NRK: variants seen among roughly 807,000 people sequenced by gnomAD.
NRK encodes nik-related protein kinase.
A neutral mutation model predicts 125.2 loss-of-function variants in NRK; 67 were observed. That is an observed-to-expected ratio of 0.54 (90% CI 0.44 to 0.66). The LOEUF (loss-of-function observed/expected upper bound fraction) is 0.66. NRK is among the 30% of genes least tolerant of loss of function. NRK has a pLI of 0.00. For synonymous variants in NRK, 458 were observed against 429.0 expected (o/e 1.07, Z -0.84); for missense variants, 1,224 against 1,192.9 (o/e 1.03, Z -0.38).
At chrX:105,898,220 C>A (rs1253242025) in intron 7 of NRK, among the ~76,000 whole-genome samples, 2 of 111,958 alleles carry the variant, frequency 1.8e-5, no homozygotes, top group Non-Finnish European at 3.8e-5. Context: ...TTTTAGATTT[C>A]TTTGTTCTTG....
intron 17 of NRK, among the ~76,000 whole-genome samples, chrX:105,922,606 C>G (rs1243938815): frequency 2.7e-5 from 3 of 111,558 alleles, no homozygotes. Context: ...ACATCCCTTC[C>G]AGATTGCCCA....
At chrX:105,847,228 C>A (rs2039415178) in intron 2 of NRK, among the ~76,000 whole-genome samples, 1 of 112,083 alleles carries the variant, frequency 8.9e-6, no homozygotes, top group Admixed American at 9.5e-5. Context: ...TACAACTCTC[C>A]CAGTTCCAGT....
At chrX:105,923,510 T>G (rs1404430054) in intron 18 of NRK, 28 bp downstream of exon 18, 1 of 1,046,922 alleles carries the variant, frequency 9.6e-7, no homozygotes, top group Non-Finnish European at 1.3e-6. Flanking sequence ...ACTTATACTC[T>G]CCATGTTTTA....
At position 105,957,731 on chromosome X, in the gene NRK, C is replaced by T. The variant is rs1328604346; in HGVS notation, c.*2131C>T. Reference sequence around the variant, plus strand: ...GTTAATAAAGAAAGGAAGCTGGGCACATGTCAAAAAGGGAGATCGAAATGT... The same window carrying T: ...GTTAATAAAGAAAGGAAGCTGGGCATATGTCAAAAAGGGAGATCGAAATGT... On this transcript the variant is annotated 3_prime_UTR_variant, in exon 29 of 29. Coordinates refer to ENST00000243300, the MANE Select transcript of NRK (RefSeq NM_198465.4). 9.0e-6 allele frequency: 1 copy of T among 111,669 alleles called. No homozygotes were observed. The highest frequency in any genetic ancestry group is 1.9e-5 in the Non-Finnish European group (1 of 53,143). 9.2% of individuals were successfully genotyped at this position (111,669 alleles called of 1,213,427 possible).
At chrX:105,858,435 T>C (rs1233878555) in intron 2 of NRK, among the ~76,000 whole-genome samples, 2 of 108,202 alleles carry the variant, frequency 1.8e-5, no homozygotes, top group Non-Finnish European at 3.8e-5. Flanking sequence ...TTGAAAGATA[T>C]GTGGATGGAT....
At position 105,908,243 on chromosome X, in the gene NRK, T is replaced by C. The variant is rs1299996405; in HGVS notation, c.1025T>C (p.Ile342Thr). The C allele has an allele frequency of 1.8e-6, 2 of 1,085,720 alleles. No individual in the cohort carries two copies. The highest frequency in any genetic ancestry group is 5.6e-5 in the Admixed American group (2 of 35,928). 89.5% of individuals were successfully genotyped at this position (1,085,720 alleles called of 1,213,427 possible). ...TTTTTCTCTTTTGTAAAAAAAGGAATACCTTTGATCTTTGAAAGAGAAGAA... is the reference window on the plus strand; with the variant it reads ...TTTTTCTCTTTTGTAAAAAAAGGAACACCTTTGATCTTTGAAAGAGAAGAA... Reference protein sequence around the residue: ...GIIKKRQKKGIPLIFEREEAI... With the variant: ...GIIKKRQKKGTPLIFEREEAI... The change falls in exon 12 of 29, where the codon ATA becomes ACA. Residue 342 changes from isoleucine to threonine, a missense_variant. By Grantham distance (89) the Ile-to-Thr change is moderately conservative. Coordinates refer to ENST00000243300, the MANE Select transcript of NRK (RefSeq NM_198465.4).
chrX:105,872,619 C>T (rs973917938), intron 2 of NRK, among the ~76,000 whole-genome samples: 2 of 111,391 alleles, frequency 1.8e-5, no homozygotes, highest in Non-Finnish European at 3.8e-5. Flanking sequence ...CCTGAATGTT[C>T]TGATCCCATC....
intron 16 of NRK, among the ~76,000 whole-genome samples, chrX:105,918,468 G>A (rs1272907837): frequency 9.0e-6 from 1 of 111,275 alleles, no homozygotes; most frequent in Non-Finnish European, 1.9e-5. Flanking sequence ...TTTTTGAAAA[G>A]TGAATATTTG....
chrX:105,841,390 A>G (rs2147653171), intron 2 of NRK, among the ~76,000 whole-genome samples: 1 of 111,788 alleles, frequency 8.9e-6, no homozygotes, highest in Non-Finnish European at 1.9e-5. Flanking sequence ...TTCCTCCTCT[A>G]CCAGAGCATA....
intron 2 of NRK, among the ~76,000 whole-genome samples, chrX:105,857,901 C>T (rs1020786963): frequency 9.0e-6 from 1 of 110,701 alleles, no homozygotes. Context: ...TATGTGTCTT[C>T]TTTCTCTCTC....
rs751420130 is a variant in NRK at position 105,891,702 on chromosome X, T to C, written c.379-2130T>C. On this transcript the variant is annotated intron_variant, in intron 5 of 28. Transcript: ENST00000243300. ...GATTCAGTAGATTTGGGGGTGTGGG[T>C]CCAAAAAATTATCCTTCCTAATAAG... Among the ~76,000 whole-genome samples, 3 of 111,160 alleles carry C rather than the reference T, an allele frequency of 2.7e-5. No individual in the cohort carries two copies. In the East Asian group the frequency reaches 8.5e-4, roughly 32 times the overall value.
chrX:105,826,395 A>AT (rs1423698183), intron 1 of NRK, among the ~76,000 whole-genome samples: 14 of 64,397 alleles, frequency 2.2e-4, no homozygotes, highest in African/African-American at 1.2e-3. Context: ...TATATAATAT[A>AT]TATATAATAT....
intron 1 of NRK, among the ~76,000 whole-genome samples, chrX:105,828,428 G>C (rs762766709): frequency 3.5e-4 from 39 of 110,943 alleles, no homozygotes; most frequent in African/African-American, 1.1e-3. Flanking sequence ...TTCAAATCAG[G>C]GTAAAGTATT....
In NRK at chrX:105,939,871, C is replaced by T; in HGVS notation, c.3800-3C>T. ...AAATACTGTATATTTTCTTATCTAT[C>T]AGGTCATAAGAACAGACTTCGGGTG... On this transcript the variant is annotated splice_polypyrimidine_tract_variant and splice_region_variant and intron_variant, in intron 22 of 28. Coordinates refer to ENST00000243300, the MANE Select transcript of NRK (RefSeq NM_198465.4). The T allele has an allele frequency of 1.8e-6, 2 of 1,103,038 alleles. No homozygotes were observed. The highest frequency in any genetic ancestry group is 2.5e-6 in the Non-Finnish European group (2 of 812,625). The allele number at this position is 1,103,038 out of a possible 1,213,427, so 90.9% of individuals were successfully genotyped here. A position where few individuals can be genotyped will look rare whatever the true frequency, so the allele number is the denominator to read the frequency against.
intron 26 of NRK, 86 bp from the exon 27 acceptor site, chrX:105,949,489 G>A (rs1015236101): frequency 7.4e-6 from 5 of 679,560 alleles, no homozygotes; most frequent in Non-Finnish European, 1.1e-5. Context: ...ACCTCTTTTG[G>A]TCTTTATTGC....
chrX:105,843,197 C>T (rs1025101880), intron 2 of NRK, among the ~76,000 whole-genome samples: 4 of 112,041 alleles, frequency 3.6e-5, no homozygotes, highest in Non-Finnish European at 7.5e-5. Context: ...GTTGCCCACA[C>T]TCATATACTC....
At position 105,958,141 on chromosome X, in the gene NRK, G is replaced by A. The variant is rs191313676; in HGVS notation, c.*2541G>A. ...AACAAAGCCCTTGTCTAAAATAAAAGGCATTATTGGAAATATTTGAAAACT... is the reference window on the plus strand; with the variant it reads ...AACAAAGCCCTTGTCTAAAATAAAAAGCATTATTGGAAATATTTGAAAACT... On this transcript the variant is annotated 3_prime_UTR_variant, in exon 29 of 29. Coordinates refer to ENST00000243300, the MANE Select transcript of NRK (RefSeq NM_198465.4). 2.1e-4 allele frequency: 24 copies of A among 111,826 alleles called. No individual in the cohort carries two copies. The highest frequency in any genetic ancestry group is 7.5e-4 in the African/African-American group (23 of 30,790). 9.2% of individuals were successfully genotyped at this position (111,826 alleles called of 1,213,427 possible). A position where few individuals can be genotyped will look rare whatever the true frequency, so the allele number is the denominator to read the frequency against.
At chrX:105,921,152 T>C (rs1393685085) in intron 16 of NRK, among the ~76,000 whole-genome samples, 15 of 106,881 alleles carry the variant, frequency 1.4e-4, no homozygotes, top group African/African-American at 4.1e-4. Context: ...TATGCAGCCA[T>C]AAAAAATGAT....
intron 2 of NRK, among the ~76,000 whole-genome samples, chrX:105,844,870 A>C (rs2039381043): frequency 8.9e-6 from 1 of 112,140 alleles, no homozygotes; most frequent in African/African-American, 3.2e-5. Context: ...AAATAGGCAA[A>C]GTATCTGCCT....
Sources: gnomAD v4.1 joint callset for allele counts (sites outside exome capture counted in the v4.1 genomes callset) on GRCh38, gnomAD v4.1.1 for gene constraint, MANE v1.5 for transcripts, NCBI Gene and HGNC (gene_info 2026-07-23, HGNC 2026-07-21) for gene names.